The following UGT1A6 variants were observed in gnomAD, a reference collection of about 807,000 sequenced individuals.
The protein encoded by UGT1A6 is UDP-glucuronosyltransferase 1A6.
In UGT1A6, 32 loss-of-function variants were observed where a neutral mutation model predicts 44.4. The ratio of observed to expected loss-of-function variants is 0.72; its 90% CI spans 0.54 to 0.97. The LOEUF is 0.97. Among genes scored for constraint, UGT1A6 ranks in the 50% least tolerant of loss-of-function variants. The pLI is 0.00. For missense variants in UGT1A6, 685 were observed against 661.9 expected, an observed-to-expected ratio of 1.03 and a Z score of -0.38; for synonymous variants, 238 against 248.5, an observed-to-expected ratio of 0.96 and a Z score of 0.40.
In UGT1A6 at chr2:233,741,465, T is replaced by C. The variant is rs1260988830; in HGVS notation, c.862-25569T>C. The stretch of plus-strand genomic sequence containing the variant: ...ACTACTCAGTGAGTATCTTCACACA[T>C]GTAAGTTCCCTCGTCTGATGTACAA... On this transcript the variant is annotated intron_variant, in intron 1 of 4. Coordinates refer to ENST00000305139, the MANE Select transcript of UGT1A6 (RefSeq NM_001072.4). 6 of 151,930 alleles carry C rather than the reference T, an allele frequency of 3.9e-5. 1 individual carries two copies. Among genetic ancestry groups the C allele is most frequent in the African/African-American group, 1.2e-4 (5 of 41,162 alleles). 9.4% of individuals were successfully genotyped at this position (151,930 alleles called of 1,614,324 possible).
At chr2:233,726,988 C>A (rs926323067) in intron 1 of UGT1A6, among the ~76,000 whole-genome samples, 1 of 152,120 alleles carries the variant, frequency 6.6e-6, no homozygotes, top group Non-Finnish European at 1.5e-5. Context: ...TGATGAGGTT[C>A]TTTCTAGCAA....
intron 1 of UGT1A6, among the ~76,000 whole-genome samples, chr2:233,720,871 AT>A (rs60621337): frequency 0.024 from 3,169 of 132,736 alleles, 42 homozygotes; most frequent in Middle Eastern, 0.043. Context: ...GCTCCTGGCA[AT>A]TTTTTTTTTT....
rs574815522 is a variant in UGT1A6 at position 233,710,585 on chromosome 2, C to T, written c.861+16720C>T. ...TAAAAGGTGCCCTTTCAAAATCTTC[C>T]GCACACCTTTATTGGTTTGTTTGTC... On this transcript the variant is annotated intron_variant, in intron 1 of 4. Transcript: ENST00000305139. Among the ~76,000 whole-genome samples, 12 of 152,214 alleles carry T rather than the reference C, an allele frequency of 7.9e-5. No homozygotes were observed. The South Asian group carries it at 1.7e-3, about 21-fold the overall frequency.
intron 1 of UGT1A6, among the ~76,000 whole-genome samples, chr2:233,716,726 T>C (rs1272338086): frequency 6.6e-6 from 1 of 152,214 alleles, no homozygotes; most frequent in Non-Finnish European, 1.5e-5. Context: ...CCAGTTTATA[T>C]GTTTAGCTCT....
At chr2:233,724,342 C>T (rs1220787897) in intron 1 of UGT1A6, among the ~76,000 whole-genome samples, 6 of 135,502 alleles carry the variant, frequency 4.4e-5, no homozygotes, top group Non-Finnish European at 8.0e-5. Flanking sequence ...GGGGGCTGAC[C>T]CCCCCCACCT....
intron 1 of UGT1A6, among the ~76,000 whole-genome samples, chr2:233,725,807 A>G (rs2077476703): frequency 6.6e-6 from 1 of 152,102 alleles, no homozygotes; most frequent in Non-Finnish European, 1.5e-5. Context: ...CTTAAAATCC[A>G]TTTTATTGGA....
At chr2:233,719,829 G>A (rs899051575) in intron 1 of UGT1A6, 67 of 1,549,978 alleles carry the variant, frequency 4.3e-5, no homozygotes, top group Admixed American at 9.6e-5. Flanking sequence ...ACTGTTGAGG[G>A]GCCTAGTGTA....
chr2:233,694,746 A>G (rs1358887678), intron 1 of UGT1A6, among the ~76,000 whole-genome samples: 1 of 152,224 alleles, frequency 6.6e-6, no homozygotes, highest in East Asian at 1.9e-4. Flanking sequence ...AACAGTTGGC[A>G]GTAGCCACTG....
At chr2:233,732,716 G>A (rs2078304565) in intron 1 of UGT1A6, among the ~76,000 whole-genome samples, 1 of 148,658 alleles carries the variant, frequency 6.7e-6, no homozygotes, top group Non-Finnish European at 1.5e-5. Flanking sequence ...TAGCCTTGTA[G>A]TACAGTTTGA....
intron 1 of UGT1A6, among the ~76,000 whole-genome samples, chr2:233,746,318 T>A (rs1693357703): frequency 6.6e-6 from 1 of 151,812 alleles, no homozygotes; most frequent in Non-Finnish European, 1.5e-5. Context: ...GCCCTGTAGA[T>A]GATCTACAGG....
intron 2 of UGT1A6, among the ~76,000 whole-genome samples, chr2:233,767,377 A>C (rs897397722): frequency 2.0e-5 from 3 of 152,190 alleles, no homozygotes; most frequent in Non-Finnish European, 4.4e-5. Context: ...ACTATGATCC[A>C]CCACACTCAG....
chr2:233,755,755 T>A (rs1696010342), intron 1 of UGT1A6: 1 of 152,982 alleles, frequency 6.5e-6, no homozygotes, highest in East Asian at 1.9e-4. Context: ...GGTGCCCATT[T>A]GCTTTTGTTC....
chr2:233,769,811 T>C lies in UGT1A6; in HGVS notation c.1301+1372T>C. 9.8e-7 allele frequency: 1 copy of C among 1,015,422 alleles called. No individual in the cohort carries two copies. The highest frequency in any genetic ancestry group is 2.2e-5 in the South Asian group (1 of 46,182). The allele number at this position is 1,015,422 out of a possible 1,614,324, so 62.9% of individuals were successfully genotyped here. A position where few individuals can be genotyped will look rare whatever the true frequency, so the allele number is the denominator to read the frequency against. On this transcript the variant is annotated intron_variant, in intron 4 of 4. Transcript: ENST00000305139. This position sits in a 1 kb window ranked among gnomAD's most constrained non-coding sequence, Gnocchi z 4.4. ...TGGAGGCTGCTATGAGCCGTGATCA[T>C]GCCACTGCACTCCAGCAACCTGGGC...
rs2078811947 is a variant in UGT1A6 at position 233,736,813 on chromosome 2, C to T, written c.862-30221C>T. 3.9e-5 allele frequency among the ~76,000 whole-genome samples: 6 copies of T among 152,224 alleles called. No individual in the cohort carries two copies. The South Asian group carries it at 1.2e-3, about 31-fold the overall frequency. Reference sequence around the variant, plus strand: ...TCTGTTGGAGTTTGCTGGAGGTCCACTCCAGATGCTCTTTGCTTTGGTATC... The same window carrying T: ...TCTGTTGGAGTTTGCTGGAGGTCCATTCCAGATGCTCTTTGCTTTGGTATC... On this transcript the variant is annotated intron_variant, in intron 1 of 4. Transcript: ENST00000305139.
At chr2:233,730,142 AC>A in intron 1 of UGT1A6, 1 of 1,517,928 alleles carries the variant, frequency 6.6e-7, no homozygotes, top group East Asian at 2.4e-5. Context: ...AGTGAGATAA[AC>A]TGTTAAGGGG....
chr2:233,707,771 T>A (rs1389608234), intron 1 of UGT1A6, among the ~76,000 whole-genome samples: 1 of 152,230 alleles, frequency 6.6e-6, no homozygotes, highest in African/African-American at 2.4e-5. Context: ...AGTGGGTTTT[T>A]AGAGTATATA....
intron 1 of UGT1A6, among the ~76,000 whole-genome samples, chr2:233,723,536 T>TA (rs756280025): frequency 0.019 from 2,250 of 121,430 alleles, 100 homozygotes; most frequent in African/African-American, 0.052. Context: ...TTTTTTTTTT[T>TA]AATTTATTTT....
intron 1 of UGT1A6, chr2:233,743,495 A>G (rs1016583348): frequency 7.3e-7 from 1 of 1,367,212 alleles, no homozygotes; most frequent in Non-Finnish European, 9.8e-7. Flanking sequence ...AAGGCAGAGA[A>G]AAGGGGTGCA....
intron 1 of UGT1A6, chr2:233,755,332 C>A (rs556124321): frequency 5.3e-4 from 243 of 459,718 alleles, no homozygotes; most frequent in African/African-American, 4.6e-3. Flanking sequence ...CCAGCACCCG[C>A]GCACAGGTCA....
Sources: gnomAD v4.1 joint callset for allele counts (sites outside exome capture counted in the v4.1 genomes callset) on GRCh38, gnomAD v4.1.1 for gene constraint, Gnocchi (gnomAD v3.1) non-coding constraint, MANE v1.5 for transcripts, NCBI Gene and HGNC (gene_info 2026-07-23, HGNC 2026-07-21) for gene names.